Variants in DTNA observed in about 807,000 individuals in gnomAD.
DTNA encodes the protein dystrobrevin alpha, also known as dystrophin-related protein 3.
Under a neutral mutation model 100.7 loss-of-function variants are expected in DTNA, and 43 were observed. The observed-to-expected ratio is 0.43, with a 90% CI of 0.33 to 0.55. DTNA has a LOEUF of 0.55. Ranked by LOEUF, DTNA falls within the 20% of genes least tolerant of loss-of-function variation. The probability of loss-of-function intolerance (pLI) is 0.04; values close to 1 mark genes in which losing one functional copy is unlikely to be tolerated. For missense variants in DTNA, 798 were observed against 953.9 expected (o/e 0.84, Z 2.15); for synonymous variants, 349 against 347.9 (o/e 1.00, Z -0.04).
At chr18:34,817,924 AT>A in intron 7 of DTNA, 2 of 1,362,662 alleles carry the variant, frequency 1.5e-6, no homozygotes, top group African/African-American at 1.5e-5. Flanking sequence ...CATTACAGAG[AT>A]TTTTGTTGTT....
At chr18:34,672,938 T>C (rs1193915082) in intron 1 of DTNA, among the ~76,000 whole-genome samples, 2 of 152,076 alleles carry the variant, frequency 1.3e-5, no homozygotes, top group African/African-American at 4.8e-5. Context: ...ATTTTCCACA[T>C]TTCCTAAAAG....
In DTNA at chr18:34,501,916, A is replaced by G. The variant is rs896973565; in HGVS notation, c.-2+8402A>G. ...TTTGTAAGAACACCAGTCAGATTGG[A>G]TTAGGCCCTAAACACACCCTAACAG... is the stretch of plus-strand genomic sequence containing the variant. On this transcript the variant is annotated intron_variant, in intron 1 of 19. Transcript: ENST00000283365. Among the ~76,000 whole-genome samples, 6 of 152,244 alleles carry G rather than the reference A, an allele frequency of 3.9e-5. No individual in the cohort carries two copies. The East Asian group carries it at 1.2e-3, about 29-fold the overall frequency.
chr18:34,527,600 C>G (rs1196116202), intron 1 of DTNA, among the ~76,000 whole-genome samples: 1 of 152,006 alleles, frequency 6.6e-6, no homozygotes, highest in Non-Finnish European at 1.5e-5. Context: ...GACATTGTTA[C>G]TTGTTTAATG....
chr18:34,705,225 C>T (rs1437933143), intron 1 of DTNA, among the ~76,000 whole-genome samples: 1 of 152,150 alleles, frequency 6.6e-6, no homozygotes, highest in African/African-American at 2.4e-5. Context: ...ATATTTACTC[C>T]TCAGTATCAA....
At chr18:34,858,501 T>C (rs1230373048) in intron 16 of DTNA, 103 bp downstream of exon 16, 7 of 1,143,890 alleles carry the variant, frequency 6.1e-6, no homozygotes, top group African/African-American at 1.5e-5. Flanking sequence ...CTACCTTAGC[T>C]GCTGACATTT....
intron 15 of DTNA, among the ~76,000 whole-genome samples, chr18:34,854,867 A>T (rs1255874450): frequency 2.6e-5 from 4 of 152,230 alleles, no homozygotes; most frequent in African/African-American, 9.6e-5. Flanking sequence ...ATACATTTAA[A>T]GTACATGTGT....
chr18:34,695,269 T>C (rs1426799099), intron 1 of DTNA, among the ~76,000 whole-genome samples: 1 of 152,146 alleles, frequency 6.6e-6, no homozygotes, highest in Non-Finnish European at 1.5e-5. Flanking sequence ...GGCTGTTGTG[T>C]GTAAAGTTGT....
At chr18:34,867,814 T>G (rs574900847) in intron 17 of DTNA, 200 of 985,364 alleles carry the variant, frequency 2.0e-4, no homozygotes, top group Non-Finnish European at 2.4e-4. Context: ...CCCCCTCACC[T>G]TCCAGCTCCT....
intron 1 of DTNA, among the ~76,000 whole-genome samples, chr18:34,749,439 A>G (rs1423601806): frequency 6.6e-6 from 1 of 151,806 alleles, no homozygotes; most frequent in Non-Finnish European, 1.5e-5. Context: ...CATTCAAGAA[A>G]CTCTTAGTAT....
At chr18:34,725,431 G>A (rs2147113577) in intron 1 of DTNA, among the ~76,000 whole-genome samples, 1 of 150,906 alleles carries the variant, frequency 6.6e-6, no homozygotes, top group African/African-American at 2.4e-5. Context: ...TCAAAAAGTG[G>A]GCAAAGGATA....
At chr18:34,577,195 G>A (rs573482074) in intron 1 of DTNA, among the ~76,000 whole-genome samples, 1 of 152,210 alleles carries the variant, frequency 6.6e-6, no homozygotes, top group South Asian at 2.1e-4. Flanking sequence ...CTGATGAAGT[G>A]ACCCTTTGTC....
Position 34,887,920 on chromosome 18 carries a change from C to A in DTNA, c.*186C>A. 2 of 986,658 alleles carry A rather than the reference C, an allele frequency of 2.0e-6. No individual in the cohort carries two copies. The highest frequency in any genetic ancestry group is 2.4e-6 in the Non-Finnish European group (2 of 830,128). The allele number at this position is 986,658 out of a possible 1,614,324, so 61.1% of individuals were successfully genotyped here. On this transcript the variant is annotated 3_prime_UTR_variant, in exon 23 of 23. Coordinates refer to ENST00000444659, the MANE Select transcript of DTNA (RefSeq NM_001386795.1). ...AGCAGCTCCTGACAGACCCCCACCC[C>A]TAAAGATGTGTCCTGATGACTATAG... is the stretch of plus-strand genomic sequence containing the variant.
chr18:34,534,108 A>G (rs2043435286), intron 1 of DTNA, among the ~76,000 whole-genome samples: 1 of 152,052 alleles, frequency 6.6e-6, no homozygotes, highest in African/African-American at 2.4e-5. Flanking sequence ...GCACTTTGGG[A>G]GTCCAAGGCG....
intron 1 of DTNA, among the ~76,000 whole-genome samples, chr18:34,635,358 T>C (rs1394836839): frequency 1.3e-5 from 2 of 152,212 alleles, no homozygotes; most frequent in African/African-American, 4.8e-5. Context: ...ACCTACAGAT[T>C]TCATTTCCTT....
intron 1 of DTNA, among the ~76,000 whole-genome samples, chr18:34,637,087 T>C (rs2058744367): frequency 6.6e-6 from 1 of 152,226 alleles, no homozygotes; most frequent in African/African-American, 2.4e-5. Flanking sequence ...ATAAATGCTG[T>C]ACTTATATAA....
rs369914309 is a variant in DTNA at position 34,879,651 on chromosome 18, G to A, written c.2094G>A (p.Ala698=). The A allele has an allele frequency of 1.5e-5, 25 of 1,613,954 alleles. No individual in the cohort carries two copies. The highest frequency in any genetic ancestry group is 6.7e-5 in the Admixed American group (4 of 59,982). The change falls in exon 20 of 23, where the codon GCG becomes GCA. Residue 698 remains alanine (A), a synonymous_variant. Coordinates refer to ENST00000444659, the MANE Select transcript of DTNA (RefSeq NM_001386795.1). The part of the protein sequence containing the change: ...PSPTSEKAFL[A]QIHARKPGYI... ...CAACCTCTGAAAAGGCTTTTCTAGC[G>A]CAAATCCATGCCCGAAAACCTGGGT...
intron 17 of DTNA, among the ~76,000 whole-genome samples, chr18:34,872,705 A>G (rs1452569316): frequency 1.3e-5 from 2 of 152,220 alleles, no homozygotes; most frequent in Non-Finnish European, 2.9e-5. Context: ...TCCAGCAACT[A>G]AAAGGTATTG....
chr18:34,624,210 T>C (rs1436880301), intron 1 of DTNA, among the ~76,000 whole-genome samples: 1 of 152,194 alleles, frequency 6.6e-6, no homozygotes, highest in Non-Finnish European at 1.5e-5. Flanking sequence ...AATGATACAA[T>C]GAAAATTCAA....
intron 1 of DTNA, among the ~76,000 whole-genome samples, chr18:34,718,410 A>G (rs1241673557): frequency 1.3e-5 from 2 of 152,236 alleles, no homozygotes; most frequent in African/African-American, 4.8e-5. Flanking sequence ...GGCATCGTTT[A>G]GAAAGGTCAA....
Sources: allele counts gnomAD v4.1 joint callset (sites outside exome capture counted in the v4.1 genomes callset), GRCh38; gene constraint gnomAD v4.1.1; transcripts MANE v1.5; gene names NCBI Gene and HGNC (gene_info 2026-07-23, HGNC 2026-07-21).